Variants in SUCLG2 observed in about 807,000 individuals in gnomAD.
The protein encoded by SUCLG2 is succinate--CoA ligase [GDP-forming] subunit beta, mitochondrial.
SUCLG2 carries 42 observed loss-of-function variants against 47.9 expected under a neutral mutation model. The observed-to-expected ratio is 0.88, with a 90% CI of 0.69 to 1.14. The LOEUF is 1.14. Among genes scored for constraint, SUCLG2 ranks in the 50% most tolerant of loss-of-function variants. The pLI is 0.00. For synonymous variants in SUCLG2, 195 were observed against 197.3 expected, an observed-to-expected ratio of 0.99 and a Z score of 0.10; for missense variants, 571 against 525.9, an observed-to-expected ratio of 1.09 and a Z score of -0.84.
chr3:67,543,909 A>G (rs548182278), intron 2 of SUCLG2, among the ~76,000 whole-genome samples: 6 of 152,174 alleles, frequency 3.9e-5, no homozygotes, highest in South Asian at 2.1e-4. Context: ...ATTTTACCAC[A>G]TGGGGTCGGG....
chr3:67,633,588 A>C (rs942083129), intron 1 of SUCLG2, among the ~76,000 whole-genome samples: 2 of 152,242 alleles, frequency 1.3e-5, no homozygotes, highest in African/African-American at 2.4e-5. Context: ...AAAATTCCAT[A>C]ATGAAATGCC....
intron 9 of SUCLG2, among the ~76,000 whole-genome samples, chr3:67,427,996 T>C (rs1247326348): frequency 6.6e-6 from 1 of 152,120 alleles, no homozygotes; most frequent in African/African-American, 2.4e-5. Context: ...CCACTGCAGC[T>C]CAAGGAGGCC....
intron 5 of SUCLG2, among the ~76,000 whole-genome samples, chr3:67,519,655 C>CA (rs941733266): frequency 6.6e-6 from 1 of 151,834 alleles, no homozygotes; most frequent in Non-Finnish European, 1.5e-5. Flanking sequence ...CAAAGGGAAA[C>CA]AAAAAAATCA....
intron 10 of SUCLG2, among the ~76,000 whole-genome samples, chr3:67,386,144 A>T (rs550024241): frequency 6.6e-6 from 1 of 152,270 alleles, no homozygotes; most frequent in South Asian, 2.1e-4. Context: ...ACTGGAGTGC[A>T]GTGGCGCGAT....
chr3:67,429,848 AAAG>A (rs1428469261), intron 9 of SUCLG2, among the ~76,000 whole-genome samples: 4 of 152,206 alleles, frequency 2.6e-5, no homozygotes, highest in African/African-American at 9.6e-5. Flanking sequence ...CAAAAGAGAC[AAAG>A]AAGGCCATTA....
At chr3:67,615,445 G>C (rs953832610) in intron 1 of SUCLG2, among the ~76,000 whole-genome samples, 1 of 152,076 alleles carries the variant, frequency 6.6e-6, no homozygotes, top group Non-Finnish European at 1.5e-5. Flanking sequence ...ACTTGCTCCA[G>C]CCTTCTTCAG....
chr3:67,508,643 T>C (rs953786809), intron 7 of SUCLG2, among the ~76,000 whole-genome samples, 164 bp downstream of exon 7: 1 of 152,210 alleles, frequency 6.6e-6, no homozygotes, highest in African/African-American at 2.4e-5. Flanking sequence ...ACCTAAGTGC[T>C]GAAATGTTCA....
chr3:67,516,462 T>C (rs1468429004), intron 6 of SUCLG2, among the ~76,000 whole-genome samples: 1 of 152,224 alleles, frequency 6.6e-6, no homozygotes, highest in East Asian at 1.9e-4. Context: ...TCTAGAACTC[T>C]CTATTATGTT....
intron 2 of SUCLG2, among the ~76,000 whole-genome samples, chr3:67,567,426 G>C (rs1707483042): frequency 6.6e-6 from 1 of 151,840 alleles, no homozygotes; most frequent in Non-Finnish European, 1.5e-5. Context: ...CTCCCTAGTA[G>C]CTGGGGCTAC....
chr3:67,544,045 A>T (rs960305310), intron 2 of SUCLG2, among the ~76,000 whole-genome samples: 2 of 152,148 alleles, frequency 1.3e-5, no homozygotes, highest in Middle Eastern at 3.2e-3. Context: ...TTGCCCTTTT[A>T]AAATATTAGT....
At chr3:67,418,416 T>C (rs914366724) in intron 9 of SUCLG2, among the ~76,000 whole-genome samples, 2 of 152,132 alleles carry the variant, frequency 1.3e-5, no homozygotes, top group Admixed American at 6.5e-5. Context: ...TTTGCCAAGA[T>C]CAGCAGCTAA....
At position 67,476,874 on chromosome 3, in the gene SUCLG2, A is replaced by G. The variant is rs139085663; in HGVS notation, c.1062+18924T>C. Among the ~76,000 whole-genome samples, 423 of 152,286 alleles carry G rather than the reference A, an allele frequency of 2.8e-3. 1 individual carries two copies. The highest frequency in any genetic ancestry group is 9.6e-3 in the African/African-American group (401 of 41,568). ...GGAAACTGGTGGATATTTTAAATCA[A>G]TGGCGTCTACATGATTCCATACTTA... On this transcript the variant is annotated intron_variant, in intron 9 of 10. Transcript: ENST00000307227.
chr3:67,641,845 G>A (rs1430721497), intron 1 of SUCLG2, among the ~76,000 whole-genome samples: 4 of 152,308 alleles, frequency 2.6e-5, no homozygotes, highest in South Asian at 2.1e-4. Context: ...AGGGCTGTGA[G>A]GGAGAATCTG....
intron 2 of SUCLG2, among the ~76,000 whole-genome samples, chr3:67,580,055 C>T (rs1226815400): frequency 6.6e-6 from 1 of 152,100 alleles, no homozygotes; most frequent in Non-Finnish European, 1.5e-5. Context: ...TAGCAAATCT[C>T]AATATATTTA....
At chr3:67,494,119 G>A (rs1264705764) in intron 9 of SUCLG2, among the ~76,000 whole-genome samples, 1 of 152,042 alleles carries the variant, frequency 6.6e-6, no homozygotes, top group East Asian at 1.9e-4. Flanking sequence ...ACCAATATAA[G>A]ACAAAATTTT....
intron 10 of SUCLG2, among the ~76,000 whole-genome samples, chr3:67,384,815 T>C (rs559885857): frequency 1.2e-4 from 18 of 151,640 alleles, no homozygotes; most frequent in Non-Finnish European, 2.5e-4. Flanking sequence ...TGAGCTGGGA[T>C]ATAGCCTCAG....
chr3:67,483,659 C>A (rs1291464053), intron 9 of SUCLG2, among the ~76,000 whole-genome samples: 1 of 152,218 alleles, frequency 6.6e-6, no homozygotes, highest in African/African-American at 2.4e-5. Context: ...ATAAGAATGC[C>A]TGGCAGGGAT....
At chr3:67,395,237 A>G (rs927948805) in intron 10 of SUCLG2, among the ~76,000 whole-genome samples, 1 of 152,178 alleles carries the variant, frequency 6.6e-6, no homozygotes, top group Non-Finnish European at 1.5e-5. Context: ...CAAATTGGAT[A>G]AAGAGTCAAG....
chr3:67,627,276 A>G (rs1700849869), intron 1 of SUCLG2, among the ~76,000 whole-genome samples: 1 of 152,196 alleles, frequency 6.6e-6, no homozygotes, highest in Non-Finnish European at 1.5e-5. Context: ...ATCCCATGGA[A>G]TTAGTTACTC....
Sources: allele counts gnomAD v4.1 joint callset (sites outside exome capture counted in the v4.1 genomes callset), GRCh38; gene constraint gnomAD v4.1.1; transcripts MANE v1.5; gene names NCBI Gene and HGNC (gene_info 2026-07-23, HGNC 2026-07-21).